The following NAA35 variants were observed in gnomAD, a reference collection of about 807,000 sequenced individuals.
NAA35 encodes the protein N-alpha-acetyltransferase 35, NatC auxiliary subunit.
Under a neutral mutation model 101.7 loss-of-function variants are expected in NAA35, and 18 were observed. The ratio of observed to expected loss-of-function variants is 0.18; its 90% CI spans 0.12 to 0.26. The LOEUF (loss-of-function observed/expected upper bound fraction) is 0.26. Among genes scored for constraint, NAA35 ranks in the 10% least tolerant of loss-of-function variants. NAA35 has a pLI of 1.00. For missense variants in NAA35, 601 were observed against 886.8 expected (o/e 0.68, Z 4.09); for synonymous variants, 267 against 273.1 (o/e 0.98, Z 0.22).
intron 11 of NAA35, among the ~76,000 whole-genome samples, chr9:85,981,843 T>A (rs1458235892): frequency 6.6e-6 from 1 of 152,204 alleles, no homozygotes; most frequent in Non-Finnish European, 1.5e-5. Flanking sequence ...AGAAGAATGA[T>A]GAGAAAATAA....
chr9:85,958,759 G>T (rs1027872173), intron 4 of NAA35, among the ~76,000 whole-genome samples, 173 bp downstream of exon 4: 1 of 152,096 alleles, frequency 6.6e-6, no homozygotes, highest in East Asian at 1.9e-4. Context: ...TGAAAATTGA[G>T]GTCTTCATTA....
intron 6 of NAA35, among the ~76,000 whole-genome samples, chr9:85,964,241 A>C (rs1418022625): frequency 6.6e-6 from 1 of 151,984 alleles, no homozygotes; most frequent in African/African-American, 2.4e-5. Context: ...GCTACTATTA[A>C]CATACTGTCC....
At chr9:86,005,988 T>C (rs1005874435) in intron 13 of NAA35, among the ~76,000 whole-genome samples, 8 of 151,762 alleles carry the variant, frequency 5.3e-5, no homozygotes, top group African/African-American at 1.7e-4. Flanking sequence ...CTGGCCAAGA[T>C]AGTGAAACCC....
At chr9:85,968,311 C>T (rs1027609761) in intron 6 of NAA35, among the ~76,000 whole-genome samples, 10 of 152,118 alleles carry the variant, frequency 6.6e-5, no homozygotes, top group Non-Finnish European at 1.0e-4. Flanking sequence ...CCCGGGTTCA[C>T]GCCATTCTCC....
intron 11 of NAA35, among the ~76,000 whole-genome samples, chr9:85,990,509 T>C (rs1219803680): frequency 6.6e-6 from 1 of 152,252 alleles, no homozygotes; most frequent in Non-Finnish European, 1.5e-5. Context: ...GAGATATTAA[T>C]AAAGTTGTAG....
chr9:85,973,712 A>G (rs1830093682), intron 6 of NAA35, among the ~76,000 whole-genome samples: 1 of 152,050 alleles, frequency 6.6e-6, no homozygotes, highest in Non-Finnish European at 1.5e-5. Context: ...AGACTATAAA[A>G]GAGAATAAGC....
intron 2 of NAA35, among the ~76,000 whole-genome samples, chr9:85,951,211 T>C (rs973894889): frequency 1.3e-5 from 2 of 152,174 alleles, no homozygotes; most frequent in African/African-American, 4.8e-5. Context: ...ATCATTGTAT[T>C]TTCCAAAACA....
At chr9:85,952,032 A>G (rs1829041017) in intron 2 of NAA35, among the ~76,000 whole-genome samples, 1 of 152,232 alleles carries the variant, frequency 6.6e-6, no homozygotes, top group African/African-American at 2.4e-5. Flanking sequence ...CTACCAGTAC[A>G]GAAAGCTCTT....
chr9:85,968,787 A>C (rs1035937697), intron 6 of NAA35, among the ~76,000 whole-genome samples: 1 of 152,174 alleles, frequency 6.6e-6, no homozygotes, highest in African/African-American at 2.4e-5. Context: ...CCAACTAGTA[A>C]TCTAAAAGCT....
chr9:85,955,360 A>ATATATATTTTTTTTT (rs749448250), intron 2 of NAA35, among the ~76,000 whole-genome samples: 2 of 53,932 alleles, frequency 3.7e-5, no homozygotes, highest in African/African-American at 7.7e-5. Context: ...ATATATATAT[A>ATATATATTTTTTTTT]TTTTTTTTTT....
intron 2 of NAA35, among the ~76,000 whole-genome samples, chr9:85,953,534 T>C (rs565836573): frequency 6.6e-6 from 1 of 152,244 alleles, no homozygotes; most frequent in Admixed American, 6.5e-5. Flanking sequence ...TGAGTGATTC[T>C]TCCACCTCAG....
chr9:86,008,058 C>A (rs1430945729), intron 14 of NAA35, among the ~76,000 whole-genome samples: 1 of 152,022 alleles, frequency 6.6e-6, no homozygotes, highest in South Asian at 2.1e-4. Context: ...TTTTAGATTT[C>A]TGATATTTTT....
chr9:85,998,322 C>T (rs1248323370), intron 12 of NAA35, among the ~76,000 whole-genome samples: 18 of 152,144 alleles, frequency 1.2e-4, no homozygotes, highest in Admixed American at 1.2e-3. Flanking sequence ...TTCATGTCAA[C>T]AAATACATGA....
intron 6 of NAA35, 52 bp from the exon 7 acceptor site, chr9:85,974,915 C>G: frequency 7.7e-7 from 1 of 1,294,464 alleles, no homozygotes; most frequent in Non-Finnish European, 1.1e-6. Flanking sequence ...TATTTTGCCG[C>G]TATTTAAGGT....
intron 22 of NAA35, among the ~76,000 whole-genome samples, chr9:86,021,552 C>T (rs113559751): frequency 6.6e-5 from 10 of 152,174 alleles, no homozygotes; most frequent in African/African-American, 1.9e-4. Flanking sequence ...ACTCTCATCT[C>T]ATTGCTTAGT....
chr9:86,017,133 T>C (rs1213848614), intron 18 of NAA35, among the ~76,000 whole-genome samples: 1 of 152,264 alleles, frequency 6.6e-6, no homozygotes, highest in Non-Finnish European at 1.5e-5. Context: ...GGGAAGGCTA[T>C]AGATATGGCT....
Position 86,003,584 on chromosome 9 carries a change from G to T in NAA35, c.1057-1G>T. On this transcript the variant is annotated splice_acceptor_variant, in intron 12 of 22. Transcript: ENST00000361671. LOFTEE classifies it high-confidence loss of function. ...TTGCTTTTTCTTTATATATCTGTTA[G>T]GATTTTTTCTGTGAATTTAGTGAAC... 1.3e-6 allele frequency: 2 copies of T among 1,583,514 alleles called. No individual in the cohort carries two copies. Among genetic ancestry groups the T allele is most frequent in the Non-Finnish European group, 1.7e-6 (2 of 1,158,718 alleles).
intron 11 of NAA35, among the ~76,000 whole-genome samples, chr9:85,982,170 G>GT (rs1401100642): frequency 6.6e-6 from 1 of 152,120 alleles, no homozygotes; most frequent in African/African-American, 2.4e-5. Flanking sequence ...TTTTGACGTG[G>GT]TTACATGGAG....
At chr9:85,980,149 G>A (rs1471093403) in intron 11 of NAA35, among the ~76,000 whole-genome samples, 1 of 152,184 alleles carries the variant, frequency 6.6e-6, no homozygotes, top group African/African-American at 2.4e-5. Context: ...ATAGGGTGAA[G>A]TATGGGTAAG....
Sources: allele counts gnomAD v4.1 joint callset (sites outside exome capture counted in the v4.1 genomes callset), GRCh38; gene constraint gnomAD v4.1.1; transcripts MANE v1.5; gene names NCBI Gene and HGNC (gene_info 2026-07-23, HGNC 2026-07-21).